The following BCKDHB variants were observed in gnomAD, a reference collection of about 807,000 sequenced individuals.
BCKDHB encodes branched chain keto acid dehydrogenase E1 subunit beta.
A neutral mutation model predicts 48.5 loss-of-function variants in BCKDHB; 41 were observed. That is an observed-to-expected ratio of 0.85 (90% confidence interval 0.66 to 1.10). BCKDHB has a LOEUF of 1.10. Ranked by LOEUF, BCKDHB falls within the 50% of genes least tolerant of loss-of-function variation. BCKDHB has a pLI of 0.00. For missense variants in BCKDHB, 496 were observed against 494.2 expected (o/e 1.00, Z -0.03); for synonymous variants, 201 against 174.8 (o/e 1.15, Z -1.18).
Position 80,254,642 on chromosome 6 carries a change from A to G in BCKDHB, c.952-18493A>G, listed in dbSNP as rs141036781. 1.5e-3 allele frequency among the ~76,000 whole-genome samples: 234 copies of G among 152,286 alleles called. 1 individual carries two copies. Among genetic ancestry groups the G allele is most frequent in the African/African-American group, 5.5e-3 (227 of 41,580 alleles). The stretch of plus-strand genomic sequence containing the variant: ...TTGAGCCCAGGAGTTCGAGGTTACA[A>G]TGAGCTGTGTTCACACCACTGCACT... On this transcript the variant is annotated intron_variant, in intron 8 of 9. Transcript: ENST00000320393.
the BCKDHB span, among the ~76,000 whole-genome samples, chr6:80,402,543 T>C: frequency 6.6e-6 from 1 of 151,936 alleles, no homozygotes; most frequent in Non-Finnish European, 1.5e-5. Flanking sequence ...GTGAACACTT[T>C]ATCCCATTCT....
Position 80,292,739 on chromosome 6 carries a change from C to A in BCKDHB, c.1038+19518C>A, listed in dbSNP as rs185289980. Among the ~76,000 whole-genome samples the A allele has an allele frequency of 2.5e-3, 386 of 152,260 alleles. No individual in the cohort carries two copies. In the Middle Eastern group the frequency reaches 0.027, roughly 11 times the overall value. The stretch of plus-strand genomic sequence containing the variant: ...AGTCTCATCCAAGACAAGGCAAGTC[C>A]CTTACACCTGTGAGCCTGTAAAATC... On this transcript the variant is annotated intron_variant, in intron 9 of 9. Coordinates refer to ENST00000320393, the MANE Select transcript of BCKDHB (RefSeq NM_183050.4).
At chr6:80,356,286 G>A in the BCKDHB span, 1 of 152,110 alleles carries the variant, frequency 6.6e-6, no homozygotes, top group African/African-American at 2.4e-5. Flanking sequence ...ACTCTTCTAA[G>A]GGAAGAACTC....
intron 6 of BCKDHB, among the ~76,000 whole-genome samples, chr6:80,176,048 C>CG (rs1773137758): frequency 6.6e-6 from 1 of 152,078 alleles, no homozygotes; most frequent in African/African-American, 2.4e-5. Context: ...GCTAGGAGAC[C>CG]GGGTAGGCGG....
At chr6:80,210,596 A>G (rs1183146691) in intron 8 of BCKDHB, among the ~76,000 whole-genome samples, 1 of 152,152 alleles carries the variant, frequency 6.6e-6, no homozygotes, top group Non-Finnish European at 1.5e-5. Flanking sequence ...TTAAAAAAGA[A>G]ATAAAAAGAA....
At chr6:80,122,174 A>C (rs887045038) in intron 1 of BCKDHB, among the ~76,000 whole-genome samples, 2 of 152,220 alleles carry the variant, frequency 1.3e-5, no homozygotes, top group African/African-American at 4.8e-5. Context: ...GCATATGTTG[A>C]ACCAGCCTTG....
chr6:80,338,360 C>T (rs977375764), intron 9 of BCKDHB, among the ~76,000 whole-genome samples: 2 of 152,260 alleles, frequency 1.3e-5, no homozygotes, highest in East Asian at 1.9e-4. Context: ...GGGAAATAGG[C>T]ACCTTGTGTG....
At chr6:80,234,417 G>A (rs765179322) in intron 8 of BCKDHB, among the ~76,000 whole-genome samples, 1 of 152,130 alleles carries the variant, frequency 6.6e-6, no homozygotes. Flanking sequence ...TGGAGGGGTG[G>A]CAGTTTATAT....
At chr6:80,430,508 T>G in the BCKDHB span, among the ~76,000 whole-genome samples, 3 of 152,186 alleles carry the variant, frequency 2.0e-5, no homozygotes, top group Admixed American at 6.5e-5. Flanking sequence ...TTTTTTTGGT[T>G]GGTAGGCTAT....
At chr6:80,322,465 C>T (rs898027812) in intron 9 of BCKDHB, among the ~76,000 whole-genome samples, 1 of 151,980 alleles carries the variant, frequency 6.6e-6, no homozygotes, top group East Asian at 1.9e-4. Flanking sequence ...TCTCGAACTC[C>T]TGACCTCGTG....
the BCKDHB span, among the ~76,000 whole-genome samples, chr6:80,422,794 C>G: frequency 6.6e-6 from 1 of 152,158 alleles, no homozygotes; most frequent in South Asian, 2.1e-4. Context: ...CCCAATGCCT[C>G]TACCCCAGTT....
intron 3 of BCKDHB, among the ~76,000 whole-genome samples, chr6:80,141,619 G>C (rs935183446): frequency 2.0e-5 from 3 of 152,192 alleles, no homozygotes; most frequent in African/African-American, 4.8e-5. Flanking sequence ...TCAAATGTGA[G>C]CACCAATAGG....
At position 80,257,680 on chromosome 6, in the gene BCKDHB, A is replaced by G. The variant is rs1219025673; in HGVS notation, c.952-15455A>G. On this transcript the variant is annotated intron_variant, in intron 8 of 9. Transcript: ENST00000320393. ...TGGTAGAGAGGCTCAGACTAAGTCTAAAGGCCTCAGAACCGGAGAAGACAA... is the reference window on the plus strand; with the variant it reads ...TGGTAGAGAGGCTCAGACTAAGTCTGAAGGCCTCAGAACCGGAGAAGACAA... Among the ~76,000 whole-genome samples, 4 of 151,986 alleles carry G rather than the reference A, an allele frequency of 2.6e-5. No individual in the cohort carries two copies. The East Asian group carries it at 5.8e-4, about 22-fold the overall frequency.
chr6:80,301,040 G>C lies in BCKDHB; in HGVS notation c.1038+27819G>C, dbSNP rs532430636. Among the ~76,000 whole-genome samples the C allele has an allele frequency of 2.0e-5, 3 of 152,082 alleles. No individual in the cohort carries two copies. The East Asian group carries it at 5.8e-4, about 29-fold the overall frequency. On this transcript the variant is annotated intron_variant, in intron 9 of 9. Coordinates refer to ENST00000320393, the MANE Select transcript of BCKDHB (RefSeq NM_183050.4). The stretch of plus-strand genomic sequence containing the variant: ...ATCTCTAGGATGCAGCCAAAGCAGT[G>C]TTAAGAGAAAAGTTTATAGCCCTAA...
At chr6:80,120,693 A>T (rs1320056052) in intron 1 of BCKDHB, among the ~76,000 whole-genome samples, 2 of 152,062 alleles carry the variant, frequency 1.3e-5, no homozygotes, top group Non-Finnish European at 2.9e-5. Context: ...TTCTTTGCCC[A>T]CTTTTTGATG....
intron 8 of BCKDHB, among the ~76,000 whole-genome samples, chr6:80,256,107 A>G (rs959350864): frequency 4.6e-5 from 7 of 152,190 alleles, no homozygotes; most frequent in African/African-American, 1.4e-4. Flanking sequence ...ACTTAAGTCA[A>G]TAAAATGCAG....
At chr6:80,447,382 A>G in the BCKDHB span, among the ~76,000 whole-genome samples, 3 of 151,910 alleles carry the variant, frequency 2.0e-5, no homozygotes, top group African/African-American at 7.2e-5. Flanking sequence ...GCAATAATGC[A>G]TGATAAGCAT....
intron 9 of BCKDHB, among the ~76,000 whole-genome samples, chr6:80,284,719 C>T (rs1372314744): frequency 6.6e-6 from 1 of 152,128 alleles, no homozygotes; most frequent in South Asian, 2.1e-4. Flanking sequence ...AGGTGACTAA[C>T]ATTTCTAAAC....
chr6:80,449,199 C>T, the BCKDHB span, among the ~76,000 whole-genome samples: 1 of 152,118 alleles, frequency 6.6e-6, no homozygotes, highest in Admixed American at 6.6e-5. Context: ...TTTTCCCATG[C>T]TATGTGCTGG....
Sources: gnomAD v4.1 joint callset for allele counts (sites outside exome capture counted in the v4.1 genomes callset) on GRCh38, gnomAD v4.1.1 for gene constraint, MANE v1.5 for transcripts, NCBI Gene and HGNC (gene_info 2026-07-23, HGNC 2026-07-21) for gene names.